The following XYLT1 variants were observed in gnomAD, a reference collection of about 807,000 sequenced individuals.
The protein encoded by XYLT1 is beta-D-xylosyltransferase 1.
In XYLT1, 36 loss-of-function variants were observed where a neutral mutation model predicts 91.3. The observed-to-expected ratio is 0.39, with a 90% confidence interval of 0.30 to 0.52. The LOEUF is 0.52. Ranked by LOEUF, XYLT1 falls within the 20% of genes least tolerant of loss-of-function variation. XYLT1 has a pLI of 0.68. For synonymous variants in XYLT1, 588 were observed against 532.0 expected (o/e 1.11, Z -1.45); for missense variants, 1,242 against 1,284.5 (o/e 0.97, Z 0.51).
At chr16:17,259,712 C>A (rs1033546662) in intron 2 of XYLT1, among the ~76,000 whole-genome samples, 6 of 152,164 alleles carry the variant, frequency 3.9e-5, no homozygotes, top group African/African-American at 1.4e-4. Flanking sequence ...GAAACCAAGG[C>A]TTTTTCAAGC....
At chr16:17,239,805 C>T (rs2033318019) in intron 3 of XYLT1, among the ~76,000 whole-genome samples, 1 of 152,168 alleles carries the variant, frequency 6.6e-6, no homozygotes, top group Non-Finnish European at 1.5e-5. Context: ...CCAGTCCATT[C>T]ATCCATCCTT....
intron 5 of XYLT1, among the ~76,000 whole-genome samples, chr16:17,165,046 T>G (rs746685737): frequency 3.3e-5 from 5 of 152,164 alleles, no homozygotes; most frequent in Admixed American, 1.3e-4. Flanking sequence ...ACCCAATGTA[T>G]AGAAAACAAG....
intron 2 of XYLT1, among the ~76,000 whole-genome samples, chr16:17,333,680 C>T (rs995770611): frequency 2.6e-5 from 4 of 151,472 alleles, no homozygotes; most frequent in South Asian, 2.1e-4. Context: ...CTCTGCCTCC[C>T]GAGTTCAAGC....
intron 9 of XYLT1, among the ~76,000 whole-genome samples, chr16:17,133,104 C>A (rs2030558845): frequency 6.6e-6 from 1 of 152,190 alleles, no homozygotes; most frequent in Non-Finnish European, 1.5e-5. Flanking sequence ...CTAACCCACA[C>A]TAGTCTCCCT....
At chr16:17,154,107 C>T (rs1426022698) in intron 6 of XYLT1, among the ~76,000 whole-genome samples, 2 of 152,142 alleles carry the variant, frequency 1.3e-5, no homozygotes, top group Non-Finnish European at 2.9e-5. Context: ...TCCTGGAATG[C>T]GCCCAGCGTG....
intron 2 of XYLT1, among the ~76,000 whole-genome samples, chr16:17,326,255 A>T (rs536676624): frequency 1.3e-5 from 2 of 152,320 alleles, no homozygotes; most frequent in South Asian, 4.1e-4. Context: ...GCAGATCTCC[A>T]CAACTTACTC....
chr16:17,430,507 A>G (rs1400207995), intron 1 of XYLT1, among the ~76,000 whole-genome samples: 2 of 152,186 alleles, frequency 1.3e-5, no homozygotes, highest in African/African-American at 4.8e-5. Flanking sequence ...CAAAAATTAT[A>G]AATTTCAAGA....
intron 2 of XYLT1, among the ~76,000 whole-genome samples, chr16:17,291,926 C>T (rs1227082906): frequency 5.9e-5 from 9 of 151,984 alleles, no homozygotes; most frequent in Admixed American, 5.9e-4. Flanking sequence ...GTAGCTGACA[C>T]CTGTAATCCT....
intron 1 of XYLT1, among the ~76,000 whole-genome samples, chr16:17,461,164 A>C (rs1345352189): frequency 6.6e-6 from 1 of 152,202 alleles, no homozygotes. Flanking sequence ...TACAAGAAGA[A>C]GAGCTTGGGC....
At chr16:17,186,167 G>T (rs1474897837) in intron 5 of XYLT1, among the ~76,000 whole-genome samples, 1 of 152,056 alleles carries the variant, frequency 6.6e-6, no homozygotes, top group African/African-American at 2.4e-5. Flanking sequence ...GCAGTGGCGC[G>T]ATCTCGGCTC....
intron 2 of XYLT1, among the ~76,000 whole-genome samples, chr16:17,328,364 T>C (rs545607016): frequency 6.6e-6 from 1 of 151,754 alleles, no homozygotes; most frequent in East Asian, 1.9e-4. Flanking sequence ...CTAAGCAACA[T>C]GGCAAAACCC....
intron 9 of XYLT1, among the ~76,000 whole-genome samples, chr16:17,130,325 C>T (rs951360444): frequency 2.0e-5 from 3 of 152,158 alleles, no homozygotes; most frequent in South Asian, 2.1e-4. Flanking sequence ...ACAGTGTTAT[C>T]GTGACAATAG....
At chr16:17,274,199 T>C (rs573802653) in intron 2 of XYLT1, among the ~76,000 whole-genome samples, 7 of 152,316 alleles carry the variant, frequency 4.6e-5, no homozygotes, top group African/African-American at 7.2e-5. Flanking sequence ...GGCATCATCA[T>C]TTAAATAATA....
chr16:17,133,421 A>G (rs770886278), intron 9 of XYLT1, among the ~76,000 whole-genome samples: 10 of 152,202 alleles, frequency 6.6e-5, no homozygotes, highest in Admixed American at 6.6e-5. Flanking sequence ...GGGCTTTCTG[A>G]GAAAAGATAT....
rs11075338 is a variant in XYLT1 at position 17,107,339 on chromosome 16, A to G, written c.*1356T>C. ...TTTTTCCAAGGGAATCCCATCATTC[A>G]GGGGAGGTGGGATTACAGGAGCAAG... On this transcript the variant is annotated 3_prime_UTR_variant, in exon 12 of 12. Transcript: ENST00000261381. The G allele has an allele frequency of 0.25, 37,293 of 152,002 alleles. 4,985 individuals are homozygous for G. Among genetic ancestry groups the G allele is most frequent in the South Asian group, 0.34 (1,625 of 4,808 alleles). 9.4% of individuals were successfully genotyped at this position (152,002 alleles called of 1,614,324 possible).
chr16:17,419,951 T>C (rs913755089), intron 1 of XYLT1, among the ~76,000 whole-genome samples: 8 of 152,208 alleles, frequency 5.3e-5, no homozygotes, highest in African/African-American at 1.9e-4. Context: ...AACTATTTGT[T>C]GATAAATAAT....
At chr16:17,261,496 A>G (rs1366188764) in intron 2 of XYLT1, among the ~76,000 whole-genome samples, 1 of 152,016 alleles carries the variant, frequency 6.6e-6, no homozygotes, top group East Asian at 1.9e-4. Context: ...CAGACCCCAC[A>G]CTCTGGGCTA....
In XYLT1 at chr16:17,134,460, A is replaced by G; in HGVS notation, c.2027+13T>C. On this transcript the variant is annotated intron_variant, in intron 9 of 11. Coordinates refer to ENST00000261381, the MANE Select transcript of XYLT1 (RefSeq NM_022166.4). ...TTCTCAGCTCTCCTCTCTGCATCCC[A>G]TATAGGGCTCACCGGCAGCTGTTCT... 17 of 1,613,718 alleles carry G rather than the reference A, an allele frequency of 1.1e-5. No homozygotes were observed. Among genetic ancestry groups the G allele is most frequent in the Non-Finnish European group, 1.4e-5 (17 of 1,179,922 alleles).
chr16:17,167,383 T>C (rs992753988), intron 5 of XYLT1, among the ~76,000 whole-genome samples: 11 of 152,216 alleles, frequency 7.2e-5, no homozygotes, highest in African/African-American at 2.7e-4. Flanking sequence ...AAATCTGAAG[T>C]CCAGTAAGTT....
Sources: allele counts gnomAD v4.1 joint callset (sites outside exome capture counted in the v4.1 genomes callset), GRCh38; gene constraint gnomAD v4.1.1; transcripts MANE v1.5; gene names NCBI Gene and HGNC (gene_info 2026-07-23, HGNC 2026-07-21).